Variants in MMP17 observed in about 807,000 individuals in gnomAD.
MMP17 encodes the protein matrix metallopeptidase 17.
Under a neutral mutation model 49.1 loss-of-function variants are expected in MMP17, and 54 were observed. The observed-to-expected ratio is 1.10, with a 90% confidence interval of 0.88 to 1.38. The LOEUF (loss-of-function observed/expected upper bound fraction) is 1.38. Among genes scored for constraint, MMP17 ranks in the 40% most tolerant of loss-of-function variants. The pLI, the probability that MMP17 is intolerant of heterozygous loss-of-function variation, is 0.00. For synonymous variants in MMP17, 397 were observed against 383.1 expected, an observed-to-expected ratio of 1.04 and a Z score of -0.42; for missense variants, 837 against 853.7, an observed-to-expected ratio of 0.98 and a Z score of 0.24.
At chr12:131,835,500 C>T (rs1887038621) in intron 1 of MMP17, among the ~76,000 whole-genome samples, 1 of 152,224 alleles carries the variant, frequency 6.6e-6, no homozygotes, top group Admixed American at 6.5e-5. Flanking sequence ...TCCCTGGGGA[C>T]CAGAGTGGGG....
chr12:131,845,436 C>A lies in MMP17; in HGVS notation c.1191C>A (p.Ile397=), dbSNP rs371736817. The A allele has an allele frequency of 1.3e-6, 2 of 1,570,222 alleles. No individual in the cohort carries two copies. Among genetic ancestry groups the A allele is most frequent in the East Asian group, 2.3e-5 (1 of 44,270 alleles). The change falls in exon 8 of 10, where the codon ATC becomes ATA. Residue 397 remains isoleucine, a synonymous_variant. Coordinates refer to ENST00000360564, the MANE Select transcript of MMP17 (RefSeq NM_016155.7). Reference sequence around the variant, plus strand: ...ACGAGCGCACCAGCGACCACAAGATCGTCTTCTTTAAAGGTGGGTGGGCCT... The same window carrying A: ...ACGAGCGCACCAGCGACCACAAGATAGTCTTCTTTAAAGGTGGGTGGGCCT... ...AVYERTSDHK[I]VFFKGDRYWV...
intron 3 of MMP17, among the ~76,000 whole-genome samples, chr12:131,839,487 C>CT (rs891032879): frequency 6.6e-6 from 1 of 151,394 alleles, no homozygotes; most frequent in Non-Finnish European, 1.5e-5. Context: ...TAATTTTTTT[C>CT]TTTTTTTTGA....
intron 8 of MMP17, 148 bp downstream of exon 8, chr12:131,845,597 C>A: frequency 9.2e-7 from 1 of 1,092,768 alleles, no homozygotes; most frequent in Non-Finnish European, 1.3e-6. Flanking sequence ...GTGCACTCAG[C>A]AGATGCACTC....
chr12:131,838,373 T>C, intron 2 of MMP17, 46 bp downstream of exon 2: 3 of 1,597,330 alleles, frequency 1.9e-6, no homozygotes, highest in Non-Finnish European at 2.6e-6. Flanking sequence ...CCCCGTCAGG[T>C]CTGCGCCCGT....
rs370286566 is a variant in MMP17 at position 131,851,131 on chromosome 12, G to C, written c.1669G>C (p.Gly557Arg). ...ACATGACCAGAGCCGCTCGGAGGAC[G>C]GTTACGAGGTCTGCTCATGCACCTC... The part of the protein sequence containing the change: ...GQHDQSRSED[G>R]YEVCSCTSGA... Residue 557 changes from glycine (G) to arginine (R), a missense_variant, in exon 10 of 10, where the codon GGT (glycine) becomes CGT (arginine). Coordinates refer to ENST00000360564, the MANE Select transcript of MMP17 (RefSeq NM_016155.7). 1.3e-6 allele frequency: 2 copies of C among 1,580,070 alleles called. No individual in the cohort carries two copies. The highest frequency in any genetic ancestry group is 1.2e-5 in the South Asian group (1 of 86,798).
chr12:131,830,969 C>T (rs1886763837), intron 1 of MMP17, among the ~76,000 whole-genome samples: 1 of 152,232 alleles, frequency 6.6e-6, no homozygotes, highest in Admixed American at 6.5e-5. Context: ...CCAGGGTCTC[C>T]ACAGGCGTCC....
At position 131,850,199 on chromosome 12, in the gene MMP17, C is replaced by T. The variant is rs1887905149; in HGVS notation, c.1462+140C>T. On this transcript the variant is annotated intron_variant, in intron 9 of 9. Coordinates refer to ENST00000360564, the MANE Select transcript of MMP17 (RefSeq NM_016155.7). ...GGGCTCTGAGGGTCCCAGCCCCTCG[C>T]CTGGAGCTGCCGACCCTGCAGGCGT... is the stretch of plus-strand genomic sequence containing the variant. The T allele has an allele frequency of 1.6e-6, 2 of 1,212,548 alleles. 1 individual carries two copies. Among genetic ancestry groups the T allele is most frequent in the South Asian group, 3.2e-5 (2 of 62,672 alleles). 75.1% of individuals were successfully genotyped at this position (1,212,548 alleles called of 1,614,324 possible).
At position 131,838,343 on chromosome 12, in the gene MMP17, G is replaced by A. The variant is rs1887190716; in HGVS notation, c.292+16G>A. On this transcript the variant is annotated intron_variant, in intron 2 of 9. Transcript: ENST00000360564. ...GGCATCCTGGGTCAGTTCTCCAGGGGGCAGCGGGAGCGCCGTGGCCCCCGT... is the reference window on the plus strand; with the variant it reads ...GGCATCCTGGGTCAGTTCTCCAGGGAGCAGCGGGAGCGCCGTGGCCCCCGT... The A allele has an allele frequency of 1.9e-6, 3 of 1,610,522 alleles. No homozygotes were observed. The highest frequency in any genetic ancestry group is 2.5e-6 in the Non-Finnish European group (3 of 1,179,118).
chr12:131,832,691 G>T (rs77981718), intron 1 of MMP17, among the ~76,000 whole-genome samples: 22 of 152,114 alleles, frequency 1.4e-4, no homozygotes, highest in African/African-American at 5.3e-4. Context: ...GGGACAGGAC[G>T]GCAGGGACAG....
At chr12:131,834,215 G>C (rs1380920115) in intron 1 of MMP17, among the ~76,000 whole-genome samples, 1 of 152,334 alleles carries the variant, frequency 6.6e-6, no homozygotes, top group Middle Eastern at 3.4e-3. Context: ...CCAGAAATCA[G>C]CATCAGCCAG....
At chr12:131,831,075 T>C (rs1367489046) in intron 1 of MMP17, among the ~76,000 whole-genome samples, 1 of 152,176 alleles carries the variant, frequency 6.6e-6, no homozygotes, top group Non-Finnish European at 1.5e-5. Context: ...CGATTGCAGC[T>C]TCGCACGCTA....
chr12:131,839,709 A>C (rs1474139597), intron 3 of MMP17, among the ~76,000 whole-genome samples: 2 of 152,130 alleles, frequency 1.3e-5, no homozygotes, highest in African/African-American at 4.8e-5. Flanking sequence ...GCACTTTGGG[A>C]GGCCAAGGCG....
At chr12:131,844,695 C>T (rs1260028784) in intron 6 of MMP17, 2 of 244,556 alleles carry the variant, frequency 8.2e-6, no homozygotes, top group Admixed American at 5.0e-5. Flanking sequence ...AGTCGTCTCT[C>T]GGTGGACATG....
chr12:131,828,953 G>A (rs541604833), intron 1 of MMP17, among the ~76,000 whole-genome samples: 2 of 152,250 alleles, frequency 1.3e-5, no homozygotes, highest in African/African-American at 2.4e-5. Context: ...CGGAGCCCGG[G>A]TCGCCGGCTT....
At chr12:131,845,576 C>A in intron 8 of MMP17, 127 bp downstream of exon 8, 1 of 1,296,690 alleles carries the variant, frequency 7.7e-7, no homozygotes, top group Non-Finnish European at 1.0e-6. Flanking sequence ...CACAGAGCAG[C>A]TGGTTTGCTT....
At chr12:131,831,081 C>CA (rs1886770467) in intron 1 of MMP17, among the ~76,000 whole-genome samples, 2 of 152,180 alleles carry the variant, frequency 1.3e-5, no homozygotes, top group African/African-American at 4.8e-5. Flanking sequence ...CAGCTTCGCA[C>CA]GCTATCTGGA....
At chr12:131,835,612 G>A (rs145217469) in intron 1 of MMP17, among the ~76,000 whole-genome samples, 2,502 of 152,320 alleles carry the variant, frequency 0.016, 76 homozygotes, top group African/African-American at 0.057. Context: ...TGGGGGGTGA[G>A]TTGTCCTCCC....
At position 131,828,397 on chromosome 12, in the gene MMP17, C is replaced by T. The variant is rs1037288808; in HGVS notation, c.-98C>T. On this transcript the variant is annotated 5_prime_UTR_variant, in exon 1 of 10. Coordinates refer to ENST00000360564, the MANE Select transcript of MMP17 (RefSeq NM_016155.7). ...TGAGGCTGCCGCGCGGGGCTCAGTC[C>T]GGCGGGGGCGCCGCGGAGAGCGGAG... 3 of 720,638 alleles carry T rather than the reference C, an allele frequency of 4.2e-6. No individual in the cohort carries two copies. Among genetic ancestry groups the T allele is most frequent in the African/African-American group, 3.9e-5 (2 of 51,940 alleles). 44.6% of individuals were successfully genotyped at this position (720,638 alleles called of 1,614,324 possible). A position where few individuals can be genotyped will look rare whatever the true frequency, so the allele number is the denominator to read the frequency against.
intron 5 of MMP17, among the ~76,000 whole-genome samples, chr12:131,842,676 G>A (rs1241804005): frequency 6.6e-6 from 1 of 151,904 alleles, no homozygotes; most frequent in Non-Finnish European, 1.5e-5. Flanking sequence ...AGGAGGCTGA[G>A]GCAGGAGAAT....
Sources: gnomAD v4.1 joint callset for allele counts (sites outside exome capture counted in the v4.1 genomes callset) on GRCh38, gnomAD v4.1.1 for gene constraint, MANE v1.5 for transcripts, NCBI Gene and HGNC (gene_info 2026-07-23, HGNC 2026-07-21) for gene names.